TMEM198: variants seen among roughly 807,000 people sequenced by gnomAD.
TMEM198 encodes transmembrane protein 198.
TMEM198 carries 21 observed loss-of-function variants against 31.5 expected under a neutral mutation model. The observed-to-expected ratio is 0.67, with a 90% CI of 0.47 to 0.96. The LOEUF is 0.96. TMEM198 is among the 40% of genes least tolerant of loss of function. TMEM198 has a pLI of 0.00. For synonymous variants in TMEM198, 211 were observed against 223.3 expected, an observed-to-expected ratio of 0.95 and a Z score of 0.49; for missense variants, 447 against 499.4, an observed-to-expected ratio of 0.89 and a Z score of 1.00.
chr2:219,546,640 C>T (rs1695393020), intron 2 of TMEM198, among the ~76,000 whole-genome samples: 1 of 152,168 alleles, frequency 6.6e-6, no homozygotes, highest in African/African-American at 2.4e-5. Context: ...ACAAATACCT[C>T]ATTTTCTGGG....
At position 219,547,769 on chromosome 2, in the gene TMEM198, G is replaced by T. The variant is rs746935065; in HGVS notation, c.430G>T (p.Gly144Cys). 1 of 1,594,482 alleles carries T rather than the reference G, an allele frequency of 6.3e-7. No homozygotes were observed. Among genetic ancestry groups the T allele is most frequent in the Non-Finnish European group, 8.5e-7 (1 of 1,176,820 alleles). Reference protein sequence around the residue: ...LLGSAPYYQPGSVWGPLGLLL... With the variant: ...LLGSAPYYQPCSVWGPLGLLL... ...GGGCTCCGCACCCTACTACCAGCCA[G>T]GCTCCGTGTGGGGTCCACTGGGGCT... The change falls in exon 3 of 5, where the codon GGC becomes TGC. Residue 144 changes from glycine to cysteine, a missense_variant. Physicochemically the swap from Gly to Cys is radical, Grantham distance 159. Coordinates refer to ENST00000373883, the MANE Select transcript of TMEM198 (RefSeq NM_001005209.3).
rs774012490 is a variant in TMEM198 at position 219,549,833 on chromosome 2, AG to A, written c.1064del (p.Gly355AlafsTer27). 1.2e-6 allele frequency: 2 copies of A among 1,614,062 alleles called. No homozygotes were observed. Among genetic ancestry groups the A allele is most frequent in the Admixed American group, 3.3e-5 (2 of 60,016 alleles). On this transcript the variant is annotated frameshift_variant, in exon 5 of 5. Coordinates refer to ENST00000373883, the MANE Select transcript of TMEM198 (RefSeq NM_001005209.3). LOFTEE classifies it high-confidence loss of function. ...GSRGPLTACS[G>X]PPVRV ...CCCGGGGACCTCTGACAGCCTGCTC[AG>A]GCCCCCCAGTGCGGGTATAGCCATA... is the stretch of plus-strand genomic sequence containing the variant.
At chr2:219,546,727 C>A (rs1020300781) in intron 2 of TMEM198, among the ~76,000 whole-genome samples, 2 of 152,050 alleles carry the variant, frequency 1.3e-5, no homozygotes, top group African/African-American at 4.8e-5. Flanking sequence ...AGCCCTGTGA[C>A]CCCCAAAGAC....
At chr2:219,549,396 G>A in intron 4 of TMEM198, 42 bp downstream of exon 4, 1 of 1,585,284 alleles carries the variant, frequency 6.3e-7, no homozygotes, top group South Asian at 1.1e-5. Flanking sequence ...AGAAGGAAGT[G>A]TGGAAACTCT....
Position 219,549,180 on chromosome 2 carries a change from G to C in TMEM198, c.771G>C (p.Val257=), listed in dbSNP as rs760934674. 6.2e-7 allele frequency: 1 copy of C among 1,613,982 alleles called. No homozygotes were observed. Among genetic ancestry groups the C allele is most frequent in the Non-Finnish European group, 8.5e-7 (1 of 1,180,026 alleles). Residue 257 remains valine (V), a synonymous_variant, in exon 4 of 5, where the codon GTG becomes GTC. Coordinates refer to ENST00000373883, the MANE Select transcript of TMEM198 (RefSeq NM_001005209.3). ...EVVISRQRRR[V]QLMRIRQQED... Reference sequence around the variant, plus strand: ...TCATCAGCCGGCAGCGCCGACGCGTGCAACTGATGCGGATTCGGCAGCAGG... The same window carrying C: ...TCATCAGCCGGCAGCGCCGACGCGTCCAACTGATGCGGATTCGGCAGCAGG...
intron 4 of TMEM198, 141 bp from the exon 5 acceptor site, chr2:219,549,576 G>A: frequency 7.4e-7 from 1 of 1,346,606 alleles, no homozygotes; most frequent in Non-Finnish European, 1.0e-6. Flanking sequence ...GTGGGATATG[G>A]TATGTGGTGG....
Position 219,548,043 on chromosome 2 carries a change from A to G in TMEM198, c.704A>G (p.Gln235Arg). The G allele has an allele frequency of 6.3e-7, 1 of 1,581,626 alleles. No individual in the cohort carries two copies. The highest frequency in any genetic ancestry group is 8.6e-7 in the Non-Finnish European group (1 of 1,165,792). The change falls in exon 3 of 5, where the codon CAG becomes CGG. Residue 235 changes from glutamine to arginine, a missense_variant. Transcript: ENST00000373883. ...CTCAGCCTGATGGGCGTTCTGGTGC[A>G]GTGGAGGGTGACAGCTGAGGGGGAC... is the stretch of plus-strand genomic sequence containing the variant. ...PLLSLMGVLV[Q>R]WRVTAEGDSH...
Position 219,550,031 on chromosome 2 carries a change from C to A in TMEM198, c.*177C>A. The A allele has an allele frequency of 1.3e-6, 1 of 795,648 alleles. No individual in the cohort carries two copies. The allele number at this position is 795,648 out of a possible 1,614,324, so 49.3% of individuals were successfully genotyped here. A position where few individuals can be genotyped will look rare whatever the true frequency, so the allele number is the denominator to read the frequency against. On this transcript the variant is annotated 3_prime_UTR_variant, in exon 5 of 5. Transcript: ENST00000373883. Reference sequence around the variant, plus strand: ...AGTCTTGGCCTGAGAGGAAAGCCCCCTCCCAAGCTCCCAAGAGGCTCCTGA... The same window carrying A: ...AGTCTTGGCCTGAGAGGAAAGCCCCATCCCAAGCTCCCAAGAGGCTCCTGA...
chr2:219,549,637 G>T, intron 4 of TMEM198, 80 bp from the exon 5 acceptor site: 5 of 1,584,250 alleles, frequency 3.2e-6, no homozygotes, highest in Non-Finnish European at 3.4e-6. Context: ...GAAGTGTCAG[G>T]CTTGTGGGAA....
chr2:219,543,874 G>T, upstream of TMEM198: 3 of 381,952 alleles, frequency 7.9e-6, no homozygotes, highest in Admixed American at 4.0e-5. Context: ...GAAGGGGGAG[G>T]TTAAAGGGGA....
chr2:219,548,064 G>A lies in TMEM198; in HGVS notation c.725G>A (p.Gly242Glu), dbSNP rs1475227165. 1 of 1,566,328 alleles carries A rather than the reference G, an allele frequency of 6.4e-7. No individual in the cohort carries two copies. Among genetic ancestry groups the A allele is most frequent in the East Asian group, 2.3e-5 (1 of 44,010 alleles). Residue 242 changes from glycine (G) to glutamate (E), a missense_variant, in exon 3 of 5, where the codon GGG becomes GAG. Transcript: ENST00000373883. ...VLVQWRVTAE[G>E]DSHTEVVISR... ...GTGCAGTGGAGGGTGACAGCTGAGGGGGACTCCCACACGGAAGGTAAGGGG... is the reference window on the plus strand; with the variant it reads ...GTGCAGTGGAGGGTGACAGCTGAGGAGGACTCCCACACGGAAGGTAAGGGG...
In TMEM198 at chr2:219,547,610, A is replaced by G. The variant is rs749018406; in HGVS notation, c.271A>G (p.Ser91Gly). Residue 91 changes from serine (S) to glycine (G), a missense_variant, in exon 3 of 5, where the codon AGT becomes GGT. Physicochemically the swap from Ser to Gly is moderately conservative, Grantham distance 56. Coordinates refer to ENST00000373883, the MANE Select transcript of TMEM198 (RefSeq NM_001005209.3). ...AGAGCGGGTGCTAGAGACACAGCTG[A>G]GTGCTGGGGCGAGCGCGGGCATCGC... ...YRERVLETQL[S>G]AGASAGIALG... 8 of 1,480,768 alleles carry G rather than the reference A, an allele frequency of 5.4e-6. No individual in the cohort carries two copies. Among genetic ancestry groups the G allele is most frequent in the Non-Finnish European group, 7.2e-6 (8 of 1,113,218 alleles). The allele number at this position is 1,480,768 out of a possible 1,614,324, so 91.7% of individuals were successfully genotyped here.
chr2:219,547,298 GACC>G (rs1695408732), intron 2 of TMEM198: 1 of 451,876 alleles, frequency 2.2e-6, no homozygotes, highest in African/African-American at 2.0e-5. Flanking sequence ...CCTTCCCATT[GACC>G]ACCAACAGCC....
rs758187620 is a variant in TMEM198 at position 219,547,835 on chromosome 2, C to A, written c.496C>A (p.Arg166Ser). Residue 166 changes from arginine to serine, a missense_variant, in exon 3 of 5, where the codon CGC (arginine) becomes AGC (serine). Arg to Ser is a moderately radical substitution (Grantham distance 110). Transcript: ENST00000373883. ...GGLLCALLTLRWPRPLTTLAT... is the reference protein window; with the variant it reads ...GGLLCALLTLSWPRPLTTLAT... ...CCTGCTCTGTGCCCTGCTCACTCTGCGCTGGCCCCGCCCACTCACCACCCT... is the reference window on the plus strand; with the variant it reads ...CCTGCTCTGTGCCCTGCTCACTCTGAGCTGGCCCCGCCCACTCACCACCCT... 6.9e-6 allele frequency: 11 copies of A among 1,587,364 alleles called. No individual in the cohort carries two copies. The African/African-American group carries it at 1.2e-4, about 17-fold the overall frequency.
In TMEM198 at chr2:219,547,489, C is replaced by T. The variant is rs1695413902; in HGVS notation, c.167-17C>T. On this transcript the variant is annotated splice_polypyrimidine_tract_variant and intron_variant, in intron 2 of 4. Transcript: ENST00000373883. ...TGCCCTCATCTTGGCCCCTCACTAG[C>T]CCCTGTTCCCCTCCAGGTTACCGCT... 7.1e-7 allele frequency: 1 copy of T among 1,416,164 alleles called. No homozygotes were observed. The highest frequency in any genetic ancestry group is 1.5e-5 in the African/African-American group (1 of 68,060). The allele number at this position is 1,416,164 out of a possible 1,614,324, so 87.7% of individuals were successfully genotyped here. A position where few individuals can be genotyped will look rare whatever the true frequency, so the allele number is the denominator to read the frequency against.
chr2:219,544,941 G>T, intron 2 of TMEM198, 48 bp downstream of exon 2: 1 of 1,596,568 alleles, frequency 6.3e-7, no homozygotes, highest in Non-Finnish European at 8.6e-7. Flanking sequence ...GTGTTTCCCC[G>T]AGTTCTTTTT....
At chr2:219,546,881 C>T (rs1027788708) in intron 2 of TMEM198, among the ~76,000 whole-genome samples, 1 of 150,144 alleles carries the variant, frequency 6.7e-6, no homozygotes, top group African/African-American at 2.5e-5. Flanking sequence ...TGGGTTCAAG[C>T]GATTCTCCTG....
In TMEM198 at chr2:219,547,810, C is replaced by A; in HGVS notation, c.471C>A (p.Gly157=). ...CACTGGGGCTGTTGCTGGGGGGCGG[C>A]CTGCTCTGTGCCCTGCTCACTCTGC... The part of the protein sequence containing the change: ...WGPLGLLLGG[G]LLCALLTLRW... The change falls in exon 3 of 5, where the codon GGC becomes GGA. Residue 157 remains glycine, a synonymous_variant. Transcript: ENST00000373883. The A allele has an allele frequency of 6.3e-7, 1 of 1,592,096 alleles. No individual in the cohort carries two copies. The highest frequency in any genetic ancestry group is 2.2e-5 in the East Asian group (1 of 44,706).
intron 3 of TMEM198, among the ~76,000 whole-genome samples, chr2:219,548,728 T>C (rs1471419846): frequency 6.6e-6 from 1 of 152,150 alleles, no homozygotes; most frequent in Non-Finnish European, 1.5e-5. Context: ...TTTAAACCAC[T>C]GGAGAGTTTA....
Sources: gnomAD v4.1 joint callset for allele counts (sites outside exome capture counted in the v4.1 genomes callset) on GRCh38, gnomAD v4.1.1 for gene constraint, MANE v1.5 for transcripts, NCBI Gene and HGNC (gene_info 2026-07-23, HGNC 2026-07-21) for gene names.